Variants in CC2D1A observed in about 807,000 individuals in gnomAD.
CC2D1A encodes the protein coiled-coil and C2 domain-containing protein 1A.
In CC2D1A, 68 loss-of-function variants were observed where a neutral mutation model predicts 123.8. That is an observed-to-expected ratio of 0.55 (90% CI 0.45 to 0.67). CC2D1A has a LOEUF of 0.67. Among genes scored for constraint, CC2D1A ranks in the 30% least tolerant of loss-of-function variants. CC2D1A has a pLI of 0.00. For synonymous variants in CC2D1A, 477 were observed against 528.0 expected (o/e 0.90, Z 1.32); for missense variants, 1,185 against 1,290.3 (o/e 0.92, Z 1.25).
chr19:13,912,645 G>A (rs773369798), intron 4 of CC2D1A, 52 bp downstream of exon 4: 40 of 1,585,650 alleles, frequency 2.5e-5, no homozygotes, highest in Admixed American at 5.0e-5. Context: ...CGGACAGCCC[G>A]GGGTTCAAGA....
rs372240909 is a variant in CC2D1A at position 13,918,424 on chromosome 19, AT to A, written c.874-79del. On this transcript the variant is annotated intron_variant, in intron 7 of 28. Coordinates refer to ENST00000318003, the MANE Select transcript of CC2D1A (RefSeq NM_017721.5). ...GAGGGAGCTAGAAGTCCTCGGTGGC[AT>A]GGAAGGGCCCGGAGGCTCCCCACAG... 1.8e-3 allele frequency: 2,468 copies of A among 1,383,362 alleles called. 15 individuals carry two copies. Among genetic ancestry groups the A allele is most frequent in the Middle Eastern group, 0.012 (65 of 5,458 alleles). The allele number at this position is 1,383,362 out of a possible 1,614,324, so 85.7% of individuals were successfully genotyped here. A position where few individuals can be genotyped will look rare whatever the true frequency, so the allele number is the denominator to read the frequency against.
Position 13,913,547 on chromosome 19 carries a change from G to A in CC2D1A, c.657G>A (p.Ala219=), listed in dbSNP as rs367628101. 1.1e-5 allele frequency: 17 copies of A among 1,613,988 alleles called. No homozygotes were observed. Among genetic ancestry groups the A allele is most frequent in the African/African-American group, 2.7e-5 (2 of 74,934 alleles). Residue 219 remains alanine, a synonymous_variant, in exon 6 of 29, where the codon GCG becomes GCA. Transcript: ENST00000318003. Reference sequence around the variant, plus strand: ...CCACCCAGCCGGCCCCTAGAATCGCGTCAGCCCCAGAGCCCAGGGTCACCC... The same window carrying A: ...CCACCCAGCCGGCCCCTAGAATCGCATCAGCCCCAGAGCCCAGGGTCACCC... ...PAPTQPAPRI[A]SAPEPRVTLE...
At chr19:13,922,223 A>G (rs192382777) in intron 14 of CC2D1A, among the ~76,000 whole-genome samples, 3 of 152,174 alleles carry the variant, frequency 2.0e-5, no homozygotes, top group African/African-American at 7.2e-5. Context: ...GCTGGGCTTG[A>G]ACTCCTGACC....
At chr19:13,913,912 G>C (rs1223380652) in intron 6 of CC2D1A, among the ~76,000 whole-genome samples, 1 of 151,980 alleles carries the variant, frequency 6.6e-6, no homozygotes, top group African/African-American at 2.4e-5. Flanking sequence ...ATGGAGTTTC[G>C]TTCTTGTTGC....
At chr19:13,921,034 A>G (rs888107355) in intron 14 of CC2D1A, 112 bp downstream of exon 14, 4 of 1,012,074 alleles carry the variant, frequency 4.0e-6, no homozygotes, top group Non-Finnish European at 4.2e-6. Flanking sequence ...TGCTGTAACA[A>G]ATAGGTCCTC....
Position 13,927,756 on chromosome 19 carries a change from T to A in CC2D1A, c.2317-137T>A, listed in dbSNP as rs557722637. On this transcript the variant is annotated intron_variant, in intron 22 of 28. Coordinates refer to ENST00000318003, the MANE Select transcript of CC2D1A (RefSeq NM_017721.5). The stretch of plus-strand genomic sequence containing the variant: ...CAGATTGCACCACTGCACTCCAGCC[T>A]GGACAACAGAGCGAGACTCTATCTC... The A allele has an allele frequency of 1.7e-4, 157 of 919,528 alleles. No individual in the cohort carries two copies. In the African/African-American group the frequency reaches 2.3e-3, roughly 13 times the overall value. 57.0% of individuals were successfully genotyped at this position (919,528 alleles called of 1,614,324 possible). A position where few individuals can be genotyped will look rare whatever the true frequency, so the allele number is the denominator to read the frequency against.
Position 13,915,166 on chromosome 19 carries a change from G to A in CC2D1A, c.748+1528G>A, listed in dbSNP as rs141112937. ...TGGAAGTTTGGCATAAAACTTGTCA[G>A]GAGTTCAAAGAATACAAAGACATCA... On this transcript the variant is annotated intron_variant, in intron 6 of 28. Transcript: ENST00000318003. Among the ~76,000 whole-genome samples, 853 of 152,380 alleles carry A rather than the reference G, an allele frequency of 5.6e-3. 10 individuals are homozygous for A. Among genetic ancestry groups the A allele is most frequent in the African/African-American group, 0.02 (822 of 41,592 alleles).
Position 13,920,809 on chromosome 19 carries a change from C to A in CC2D1A, c.1528C>A (p.Arg510=). 1 of 1,614,106 alleles carries A rather than the reference C, an allele frequency of 6.2e-7. No individual in the cohort carries two copies. Among genetic ancestry groups the A allele is most frequent in the East Asian group, 2.2e-5 (1 of 44,880 alleles). ...GAAGCAGCTCCTGCAGGCCGCACTG[C>A]GAGCCAAGCAGAAAAACGACGTGGA... is the stretch of plus-strand genomic sequence containing the variant. ...RKKQLLQAAL[R]AKQKNDVEGA... is the part of the protein sequence containing the mutation. Residue 510 remains arginine (R), a synonymous_variant, in exon 14 of 29, where the codon CGA becomes AGA. Transcript: ENST00000318003.
chr19:13,907,648 G>A (rs539878811), intron 1 of CC2D1A, among the ~76,000 whole-genome samples: 1 of 151,740 alleles, frequency 6.6e-6, no homozygotes, highest in Admixed American at 6.6e-5. Context: ...TTCCAGACTG[G>A]GTGACAGAGC....
In CC2D1A at chr19:13,925,933, A is replaced by AAAATATAT. The variant is rs1315518981; in HGVS notation, c.1941-583_1941-582insAATATATA. Among the ~76,000 whole-genome samples, 70 of 91,024 alleles carry AAAATATAT rather than the reference A, an allele frequency of 7.7e-4. 2 individuals carry two copies. The highest frequency in any genetic ancestry group is 1.2e-3 in the Admixed American group (9 of 7,610). 59.7% of individuals were successfully genotyped at this position (91,024 alleles called of 152,430 possible). On this transcript the variant is annotated intron_variant, in intron 17 of 28. Coordinates refer to ENST00000318003, the MANE Select transcript of CC2D1A (RefSeq NM_017721.5). Reference sequence around the variant, plus strand: ...AGACTCTGTCTAAAAAAAAAAAAAAAATATATATATATATATATATATATA... The same window carrying AAAATATAT: ...AGACTCTGTCTAAAAAAAAAAAAAAAAAATATATATATATATATATATATATATATATA...
At chr19:13,918,680 G>C (rs1971293537) in intron 8 of CC2D1A, 66 bp from the exon 9 acceptor site, 1 of 1,585,754 alleles carries the variant, frequency 6.3e-7, no homozygotes, top group South Asian at 1.1e-5. Flanking sequence ...CCACCCTCAG[G>C]CCAGACCAGC....
chr19:13,926,480 C>T lies in CC2D1A; in HGVS notation c.1941-37C>T, dbSNP rs778752165. On this transcript the variant is annotated intron_variant, in intron 17 of 28. Transcript: ENST00000318003. ...CAGTGGGACTGAGGTGCCTCTGTTT[C>T]CCTGCCCACCTGCCTGCCCACCTGC... is the stretch of plus-strand genomic sequence containing the variant. The T allele has an allele frequency of 3.8e-6, 6 of 1,598,870 alleles. No individual in the cohort carries two copies. The African/African-American group carries it at 8.0e-5, about 21-fold the overall frequency.
intron 2 of CC2D1A, among the ~76,000 whole-genome samples, chr19:13,910,465 C>G (rs1026086327): frequency 6.6e-6 from 1 of 151,100 alleles, no homozygotes; most frequent in Non-Finnish European, 1.5e-5. Flanking sequence ...AGTTGGAATC[C>G]GAGCTCTGCC....
In CC2D1A at chr19:13,930,130, G is replaced by A. The variant is rs769749444; in HGVS notation, c.2763G>A (p.Arg921=). The change falls in exon 27 of 29, where the codon CGG becomes CGA. Residue 921 remains arginine (R), a synonymous_variant. Coordinates refer to ENST00000318003, the MANE Select transcript of CC2D1A (RefSeq NM_017721.5). The surrounding 1 kb of genome is among the most constrained non-coding windows in gnomAD (Gnocchi z 6.8). ...RQLQFYTEAA[R]RLGNDGSRDA... Reference sequence around the variant, plus strand: ...TGCAGTTCTACACGGAGGCTGCCCGGCGCCTGGGCAACGATGGCAGCAGGG... The same window carrying A: ...TGCAGTTCTACACGGAGGCTGCCCGACGCCTGGGCAACGATGGCAGCAGGG... 4 of 1,613,026 alleles carry A rather than the reference G, an allele frequency of 2.5e-6. No individual in the cohort carries two copies. The highest frequency in any genetic ancestry group is 1.1e-5 in the South Asian group (1 of 91,068).
chr19:13,925,362 C>T (rs565480041), intron 17 of CC2D1A, among the ~76,000 whole-genome samples: 1 of 152,042 alleles, frequency 6.6e-6, no homozygotes, highest in Non-Finnish European at 1.5e-5. Context: ...GGGTGGATCA[C>T]GAGGTCAGGA....
chr19:13,925,457 A>G (rs1401820783), intron 17 of CC2D1A, among the ~76,000 whole-genome samples: 1 of 152,114 alleles, frequency 6.6e-6, no homozygotes, highest in Non-Finnish European at 1.5e-5. Context: ...GTAGGCGCCC[A>G]TAGTCCCACC....
At chr19:13,926,024 A>G (rs553810102) in intron 17 of CC2D1A, among the ~76,000 whole-genome samples, 2,353 of 105,606 alleles carry the variant, frequency 0.022, 157 homozygotes, top group African/African-American at 0.11. Flanking sequence ...ACGTATATAT[A>G]TGTGTATATA....
intron 4 of CC2D1A, 25 bp from the exon 5 acceptor site, chr19:13,913,143 A>C: frequency 6.3e-7 from 1 of 1,582,246 alleles, no homozygotes; most frequent in Non-Finnish European, 8.6e-7. Context: ...GTCACCACCC[A>C]CACTGTGCCC....
intron 2 of CC2D1A, 91 bp downstream of exon 2, chr19:13,910,049 G>T: frequency 1.7e-6 from 2 of 1,192,854 alleles, no homozygotes; most frequent in Non-Finnish European, 2.3e-6. Flanking sequence ...GTAGGGGAAA[G>T]AAGACAGAGA....
Sources: gnomAD v4.1 joint callset for allele counts (sites outside exome capture counted in the v4.1 genomes callset) on GRCh38, gnomAD v4.1.1 for gene constraint, Gnocchi (gnomAD v3.1) non-coding constraint, MANE v1.5 for transcripts, NCBI Gene and HGNC (gene_info 2026-07-23, HGNC 2026-07-21) for gene names.